Variants in TRDN observed in about 807,000 individuals in gnomAD.
TRDN encodes triadin in skeletal muscle.
TRDN carries 161 observed loss-of-function variants against 149.7 expected under a neutral mutation model. The observed-to-expected ratio is 1.08, with a 90% CI of 0.95 to 1.23. The LOEUF is 1.23. Among genes scored for constraint, TRDN ranks in the 50% most tolerant of loss-of-function variants. TRDN has a pLI of 0.00. For synonymous variants in TRDN, 294 were observed against 250.5 expected (o/e 1.17, Z -1.64); for missense variants, 896 against 823.5 (o/e 1.09, Z -1.08).
intron 24 of TRDN, among the ~76,000 whole-genome samples, chr6:123,307,931 G>T (rs1317534550): frequency 1.3e-5 from 2 of 151,946 alleles, no homozygotes; most frequent in Non-Finnish European, 2.9e-5. Flanking sequence ...GTGATACTGT[G>T]GTTTGGGGTA....
At chr6:123,559,113 T>G (rs1470885262) in intron 2 of TRDN, among the ~76,000 whole-genome samples, 1 of 152,240 alleles carries the variant, frequency 6.6e-6, no homozygotes, top group African/African-American at 2.4e-5. Context: ...AGACTGACAC[T>G]GCCCGATCAC....
intron 33 of TRDN, among the ~76,000 whole-genome samples, chr6:123,263,944 A>G (rs1776853895): frequency 6.6e-6 from 1 of 152,022 alleles, no homozygotes; most frequent in South Asian, 2.1e-4. Context: ...CACTGTTGAG[A>G]CCTACTGCTA....
At chr6:123,527,715 G>A (rs1383782289) in intron 5 of TRDN, among the ~76,000 whole-genome samples, 1 of 151,710 alleles carries the variant, frequency 6.6e-6, no homozygotes, top group Non-Finnish European at 1.5e-5. Flanking sequence ...CTAAGCAAAT[G>A]TAATGTTCCG....
intron 24 of TRDN, among the ~76,000 whole-genome samples, chr6:123,290,840 T>A (rs1777984380): frequency 6.6e-6 from 1 of 152,036 alleles, no homozygotes; most frequent in South Asian, 2.1e-4. Context: ...AAAAGAGAGA[T>A]GTAAAGAATG....
intron 38 of TRDN, among the ~76,000 whole-genome samples, chr6:123,246,747 G>A (rs1776196202): frequency 6.6e-6 from 1 of 151,474 alleles, no homozygotes; most frequent in Non-Finnish European, 1.5e-5. Flanking sequence ...TAAGGTATAA[G>A]GCCAGCATCA....
chr6:123,335,906 C>T (rs1362737040), intron 22 of TRDN, among the ~76,000 whole-genome samples: 1 of 151,908 alleles, frequency 6.6e-6, no homozygotes, highest in African/African-American at 2.4e-5. Flanking sequence ...GTTTTCATGA[C>T]AATTTTGATT....
At chr6:123,293,625 A>T (rs1582831764) in intron 24 of TRDN, among the ~76,000 whole-genome samples, 1 of 152,258 alleles carries the variant, frequency 6.6e-6, no homozygotes, top group African/African-American at 2.4e-5. Context: ...CAGGGAAAAA[A>T]TATCTCTATA....
intron 12 of TRDN, among the ~76,000 whole-genome samples, chr6:123,424,522 T>C (rs1774036965): frequency 6.6e-6 from 1 of 152,166 alleles, no homozygotes; most frequent in Admixed American, 6.6e-5. Flanking sequence ...TTTCATACGC[T>C]AATTGGTCTT....
At chr6:123,448,518 C>T (rs903291615) in intron 10 of TRDN, among the ~76,000 whole-genome samples, 1 of 152,038 alleles carries the variant, frequency 6.6e-6, no homozygotes, top group Non-Finnish European at 1.5e-5. Flanking sequence ...CATAATCCTC[C>T]TACTTACACA....
At chr6:123,279,252 A>C (rs545920422) in intron 24 of TRDN, among the ~76,000 whole-genome samples, 170 bp from the exon 25 acceptor site, 9 of 152,312 alleles carry the variant, frequency 5.9e-5, no homozygotes, top group Admixed American at 5.9e-4. Context: ...TAAGTTCTTT[A>C]GTGCAAGATT....
At chr6:123,250,390 C>CT (rs1776332481) in intron 38 of TRDN, among the ~76,000 whole-genome samples, 1 of 152,022 alleles carries the variant, frequency 6.6e-6, no homozygotes, top group Admixed American at 6.6e-5. Flanking sequence ...AAACCCACTC[C>CT]TACCACCACC....
intron 8 of TRDN, among the ~76,000 whole-genome samples, chr6:123,499,719 A>AATATATATATATATATACATATAT (rs1778612973): frequency 2.1e-5 from 1 of 47,680 alleles, no homozygotes; most frequent in Non-Finnish European, 4.5e-5. Context: ...AAAAAAAAAA[A>AATATATATATATATATACATATAT]ATATATATAT....
chr6:123,227,651 G>C (rs1455688175), intron 38 of TRDN, among the ~76,000 whole-genome samples: 1 of 151,908 alleles, frequency 6.6e-6, no homozygotes, highest in Non-Finnish European at 1.5e-5. Context: ...TACATGCTAG[G>C]CCCTATTAAG....
chr6:123,255,025 A>G (rs1776507672), intron 37 of TRDN, 56 bp downstream of exon 37: 2 of 979,552 alleles, frequency 2.0e-6, no homozygotes, highest in Non-Finnish European at 3.1e-6. Flanking sequence ...ATATTAAGCA[A>G]CAACATAATT....
intron 21 of TRDN, chr6:123,351,652 G>T: frequency 1.1e-6 from 1 of 948,758 alleles, no homozygotes; most frequent in Non-Finnish European, 1.3e-6. Flanking sequence ...GGGATTGAAG[G>T]ATTTTCTTGA....
At position 123,267,730 on chromosome 6, in the gene TRDN, C is replaced by T. The variant is rs1252241362; in HGVS notation, c.1760G>A (p.Arg587Lys). 6.3e-7 allele frequency: 1 copy of T among 1,580,982 alleles called. No homozygotes were observed. ...KPTKKAEHRE[R>K]EPPSIKTDKP... ...ACCTGTTTTTATAGATGGAGGTTCT[C>T]TTTCTCGATGTTCAGCTTTTTCTAG... Residue 587 changes from arginine (R) to lysine (K), a missense_variant, in exon 32 of 41, where the codon AGA becomes AAA. Physicochemically the swap from Arg to Lys is conservative, Grantham distance 26. Coordinates refer to ENST00000334268, the MANE Select transcript of TRDN (RefSeq NM_006073.4).
intron 1 of TRDN, among the ~76,000 whole-genome samples, chr6:123,601,190 G>A (rs1473367819): frequency 3.3e-5 from 5 of 152,092 alleles, no homozygotes; most frequent in African/African-American, 1.2e-4. Flanking sequence ...AAAGATATCA[G>A]TATTAAAGTT....
chr6:123,507,051 A>C (rs1778960173), intron 7 of TRDN, among the ~76,000 whole-genome samples: 1 of 152,152 alleles, frequency 6.6e-6, no homozygotes, highest in Non-Finnish European at 1.5e-5. Flanking sequence ...ATTTTGATGG[A>C]GAGAGTAAAT....
At chr6:123,472,598 A>C (rs373435690) in intron 9 of TRDN, among the ~76,000 whole-genome samples, 17 of 151,626 alleles carry the variant, frequency 1.1e-4, no homozygotes, top group Non-Finnish European at 1.9e-4. Flanking sequence ...AGGAGGCCTG[A>C]CTGCCTCTGT....
Sources: allele counts gnomAD v4.1 joint callset (sites outside exome capture counted in the v4.1 genomes callset), GRCh38; gene constraint gnomAD v4.1.1; transcripts MANE v1.5; gene names NCBI Gene and HGNC (gene_info 2026-07-23, HGNC 2026-07-21).